PARP6: variants seen among roughly 807,000 people sequenced by gnomAD.
The protein encoded by PARP6 is protein mono-ADP-ribosyltransferase PARP6.
In PARP6, 27 loss-of-function variants were observed where a neutral mutation model predicts 92.0. The observed-to-expected ratio is 0.29, with a 90% CI of 0.22 to 0.40. The LOEUF (loss-of-function observed/expected upper bound fraction) is 0.40, where lower values mean the gene tolerates loss of function less well. Ranked by LOEUF, PARP6 falls within the 10% of genes least tolerant of loss-of-function variation. The pLI is 1.00. For synonymous variants in PARP6, 272 were observed against 281.2 expected, an observed-to-expected ratio of 0.97 and a Z score of 0.33; for missense variants, 501 against 784.5, an observed-to-expected ratio of 0.64 and a Z score of 4.32.
rs1484540816 is a variant in PARP6 at position 72,261,601 on chromosome 15, T to C, written c.502A>G (p.Lys168Glu). The C allele has an allele frequency of 6.2e-7, 1 of 1,614,164 alleles. No homozygotes were observed. Among genetic ancestry groups the C allele is most frequent in the Non-Finnish European group, 8.5e-7 (1 of 1,180,028 alleles). Residue 168 changes from lysine to glutamate, a missense_variant, in exon 9 of 24, where the codon AAG (lysine) becomes GAG (glutamate). Lys to Glu is a moderately conservative substitution (Grantham distance 56, BLOSUM62 1). Around this residue, in one of 4 missense-constraint regions of PARP6, gnomAD observed 291 missense variants for 352.0 expected, o/e 0.83. Coordinates refer to ENST00000569795, the MANE Select transcript of PARP6 (RefSeq NM_001323532.2). ...ATGCTGAGGCCAGCTCGGAACTTCT[T>C]GATGGTACCACTTGCCTTGAACCAA... The part of the protein sequence containing the change: ...HSWFKASGTI[K>E]KFRAGLSIFS...
In PARP6 at chr15:72,242,362, C is replaced by A; in HGVS notation, c.1642-142G>T. Reference sequence around the variant, plus strand: ...AACACCCCTCGCCGCCCAGAAAATTCTTCTTTCCCATAATCAGTCTGGATA... The same window carrying A: ...AACACCCCTCGCCGCCCAGAAAATTATTCTTTCCCATAATCAGTCTGGATA... On this transcript the variant is annotated intron_variant, in intron 21 of 23. Coordinates refer to ENST00000569795, the MANE Select transcript of PARP6 (RefSeq NM_001323532.2). The surrounding 1 kb of genome is among the most constrained non-coding windows in gnomAD (Gnocchi z 4.3). 5 of 690,570 alleles carry A rather than the reference C, an allele frequency of 7.2e-6. No homozygotes were observed. The highest frequency in any genetic ancestry group is 5.0e-5 in the Admixed American group (2 of 39,816). 42.8% of individuals were successfully genotyped at this position (690,570 alleles called of 1,614,324 possible).
rs2085740679 is a variant in PARP6, at chr15:72,260,609, T to C, written c.625A>G (p.Met209Val). Residue 209 changes from methionine to valine, a missense_variant, in exon 10 of 24, where the codon ATG becomes GTG. By Grantham distance (21) the Met-to-Val change is conservative. This residue lies in a region of PARP6 where 291 missense variants were observed against 352.0 expected (regional missense o/e 0.83). Transcript: ENST00000569795. ...GVPELRVGRL[M>V]NRSISCTMKN... The stretch of plus-strand genomic sequence containing the variant: ...ATGGTACAGGAGATGGAACGGTTCA[T>C]GAGGCGCCCAACCCGAAGCTCTGGT... 2 of 1,614,054 alleles carry C rather than the reference T, an allele frequency of 1.2e-6. No individual in the cohort carries two copies. The highest frequency in any genetic ancestry group is 1.3e-5 in the African/African-American group (1 of 74,914).
In PARP6 at chr15:72,267,683, AGAT is replaced by A. The variant is rs1337111450; in HGVS notation, c.-194-15_-194-13del. 1.7e-6 allele frequency: 1 copy of A among 578,742 alleles called. No individual in the cohort carries two copies. Among genetic ancestry groups the A allele is most frequent in the Non-Finnish European group, 3.1e-6 (1 of 319,282 alleles). 35.9% of individuals were successfully genotyped at this position (578,742 alleles called of 1,614,324 possible). The stretch of plus-strand genomic sequence containing the variant: ...AACAAGTCACTGTCCTGTGGAAAGT[AGAT>A]AATAATGGGTTTCATCACCACTTAA... On this transcript the variant is annotated splice_polypyrimidine_tract_variant and intron_variant, in intron 2 of 23. Coordinates refer to ENST00000569795, the MANE Select transcript of PARP6 (RefSeq NM_001323532.2).
chr15:72,254,756 A>C (rs1037671938), intron 14 of PARP6, among the ~76,000 whole-genome samples: 1 of 152,204 alleles, frequency 6.6e-6, no homozygotes, highest in Non-Finnish European at 1.5e-5. Context: ...CCCTTTATGC[A>C]AGTGAAGATA....
At chr15:72,267,975 C>T (rs2086824893) in intron 2 of PARP6, among the ~76,000 whole-genome samples, 1 of 152,228 alleles carries the variant, frequency 6.6e-6, no homozygotes, top group Non-Finnish European at 1.5e-5. Flanking sequence ...TGGTCTCGAA[C>T]TCCCGACTTC....
At position 72,265,183 on chromosome 15, in the gene PARP6, A is replaced by C. The variant is rs1203826671; in HGVS notation, c.238-12T>G. ...GTAGAGACTTCCTCCTAAAAGAAGAAGGGAAATAGTTTCCAGTTTAGCAAC... is the reference window on the plus strand; with the variant it reads ...GTAGAGACTTCCTCCTAAAAGAAGACGGGAAATAGTTTCCAGTTTAGCAAC... On this transcript the variant is annotated splice_polypyrimidine_tract_variant and intron_variant, in intron 6 of 23. Transcript: ENST00000569795. The C allele has an allele frequency of 6.3e-7, 1 of 1,584,996 alleles. No individual in the cohort carries two copies. Among genetic ancestry groups the C allele is most frequent in the Admixed American group, 1.7e-5 (1 of 59,732 alleles).
chr15:72,256,649 C>CA lies in PARP6; in HGVS notation c.1000-60dup, dbSNP rs1451614202. ...TAAATGATTTCCCAGTACTGGGAGT[C>CA]AGAGTACCCAGTATTTCTCTCTGAT... On this transcript the variant is annotated intron_variant, in intron 13 of 23. Transcript: ENST00000569795. The CA allele has an allele frequency of 4.6e-6, 6 of 1,317,104 alleles. No individual in the cohort carries two copies. In the African/African-American group the frequency reaches 7.6e-5, roughly 17 times the overall value. 81.6% of individuals were successfully genotyped at this position (1,317,104 alleles called of 1,614,324 possible).
At chr15:72,267,972 G>A (rs1253459699) in intron 2 of PARP6, among the ~76,000 whole-genome samples, 5 of 152,124 alleles carry the variant, frequency 3.3e-5, no homozygotes, top group Non-Finnish European at 5.9e-5. Flanking sequence ...GGCTGGTCTC[G>A]AACTCCCGAC....
rs1477896690 is a variant in PARP6 at position 72,260,557 on chromosome 15, C to G, written c.677G>C (p.Gly226Ala). Residue 226 changes from glycine (G) to alanine (A), a missense_variant, in exon 10 of 24, where the codon GGC becomes GCC. Around this residue, in one of 4 missense-constraint regions of PARP6, gnomAD observed 291 missense variants for 352.0 expected, o/e 0.83. Transcript: ENST00000569795. ...TMKNPKVEVFGYPPSPQAGLL... is the reference protein window; with the variant it reads ...TMKNPKVEVFAYPPSPQAGLL... ...ACCTGCCTGGGGGCTGGGAGGGTAG[C>G]CAAACACTTCCACTTTGGGGTTCTT... 1.2e-6 allele frequency: 2 copies of G among 1,614,164 alleles called. No homozygotes were observed. The highest frequency in any genetic ancestry group is 4.5e-5 in the East Asian group (2 of 44,868).
intron 9 of PARP6, 51 bp from the exon 10 acceptor site, chr15:72,260,739 C>G (rs1374240247): frequency 7.1e-7 from 1 of 1,409,184 alleles, no homozygotes; most frequent in Non-Finnish European, 1.0e-6. Flanking sequence ...TTCATAGGAT[C>G]CCTGGAGGGG....
chr15:72,264,647 G>A, intron 7 of PARP6, 26 bp from the exon 8 acceptor site: 1 of 1,583,052 alleles, frequency 6.3e-7, no homozygotes, highest in South Asian at 1.1e-5. Context: ...AAGGCTACTA[G>A]TAAGTACATA....
At chr15:72,259,472 C>T in intron 11 of PARP6, 136 bp downstream of exon 11, 1 of 713,738 alleles carries the variant, frequency 1.4e-6, no homozygotes, top group East Asian at 2.5e-5. Context: ...GGAACAATGC[C>T]TTCTTTCCTT....
intron 20 of PARP6, among the ~76,000 whole-genome samples, chr15:72,247,756 T>C (rs185481276): frequency 6.6e-6 from 1 of 152,306 alleles, no homozygotes; most frequent in African/African-American, 2.4e-5. Flanking sequence ...TTTTAAATTA[T>C]TAGCATAGTG....
chr15:72,250,967 G>T lies in PARP6; in HGVS notation c.1309-13C>A. 1 of 1,590,400 alleles carries T rather than the reference G, an allele frequency of 6.3e-7. No individual in the cohort carries two copies. The highest frequency in any genetic ancestry group is 8.6e-7 in the Non-Finnish European group (1 of 1,161,086). ...GCATGAACTTCAGCTGCTGCCCAGG[G>T]TGGGGGTGGAATCAGGAAAACAGAG... is the stretch of plus-strand genomic sequence containing the variant. On this transcript the variant is annotated splice_polypyrimidine_tract_variant and intron_variant, in intron 17 of 23. Coordinates refer to ENST00000569795, the MANE Select transcript of PARP6 (RefSeq NM_001323532.2).
At chr15:72,263,372 G>C (rs896662324) in intron 8 of PARP6, among the ~76,000 whole-genome samples, 2 of 151,990 alleles carry the variant, frequency 1.3e-5, no homozygotes, top group Non-Finnish European at 2.9e-5. Context: ...CTCTTGTCTT[G>C]ACTTTTACAA....
Position 72,251,223 on chromosome 15 carries a change from T to C in PARP6, c.1292A>G (p.Lys431Arg), listed in dbSNP as rs2140952921. 2 of 1,599,578 alleles carry C rather than the reference T, an allele frequency of 1.3e-6. No individual in the cohort carries two copies. The highest frequency in any genetic ancestry group is 1.7e-6 in the Non-Finnish European group (2 of 1,166,818). Residue 431 changes from lysine (K) to arginine (R), a missense_variant, in exon 17 of 24, where the codon AAA (lysine) becomes AGA (arginine). Physicochemically the swap from Lys to Arg is conservative, Grantham distance 26. Transcript: ENST00000569795. The stretch of plus-strand genomic sequence containing the variant: ...GTCACTTACCCTGCTGAGAGGTAGT[T>C]TGACAATGTGTGACCTGTTGCTAGA... ...IISSNRSHIV[K>R]LPLSRLKFMH...
Position 72,265,354 on chromosome 15 carries a change from C to T in PARP6, c.237+59G>A, listed in dbSNP as rs375178689. The T allele has an allele frequency of 9.8e-6, 14 of 1,424,384 alleles. No individual in the cohort carries two copies. In the East Asian group the frequency reaches 2.5e-4, roughly 25 times the overall value. The allele number at this position is 1,424,384 out of a possible 1,614,324, so 88.2% of individuals were successfully genotyped here. ...ACTCGGGAACAAGACTCCTGGCCTA[C>T]ATGACAAATTCCACAAGTCCAGCTA... is the stretch of plus-strand genomic sequence containing the variant. On this transcript the variant is annotated intron_variant, in intron 6 of 23. Coordinates refer to ENST00000569795, the MANE Select transcript of PARP6 (RefSeq NM_001323532.2).
At chr15:72,246,013 A>G (rs1038914075) in intron 20 of PARP6, among the ~76,000 whole-genome samples, 4 of 152,238 alleles carry the variant, frequency 2.6e-5, no homozygotes, top group African/African-American at 9.6e-5. Flanking sequence ...CAGACAAATC[A>G]AAAAGACTAT....
chr15:72,243,612 C>G (rs1416963486), intron 20 of PARP6: 1 of 152,190 alleles, frequency 6.6e-6, no homozygotes, highest in Admixed American at 6.5e-5. Flanking sequence ...TCAACTTGGA[C>G]TTTTCTTATT....
Sources: allele counts gnomAD v4.1 joint callset (sites outside exome capture counted in the v4.1 genomes callset), GRCh38; gene constraint gnomAD v4.1.1; regional missense constraint gnomAD v4.1.1; non-coding constraint Gnocchi (gnomAD v3.1); transcripts MANE v1.5; gene names NCBI Gene and HGNC (gene_info 2026-07-23, HGNC 2026-07-21).